The following DLG2 variants were observed in gnomAD, a reference collection of about 807,000 sequenced individuals.
DLG2 encodes disks large homolog 2.
In DLG2, 45 loss-of-function variants were observed where a neutral mutation model predicts 132.5. The observed-to-expected ratio is 0.34, with a 90% CI of 0.27 to 0.44. DLG2 has a LOEUF of 0.44. Among genes scored for constraint, DLG2 ranks in the 20% least tolerant of loss-of-function variants. The pLI is 1.00. For synonymous variants in DLG2, 424 were observed against 419.6 expected (o/e 1.01, Z -0.13); for missense variants, 1,045 against 1,196.9 (o/e 0.87, Z 1.87).
intron 7 of DLG2, among the ~76,000 whole-genome samples, chr11:84,483,217 G>A (rs2154493888): frequency 6.6e-6 from 1 of 152,198 alleles, no homozygotes; most frequent in African/African-American, 2.4e-5. Flanking sequence ...CTCATCACCT[G>A]AGGTCAGGAG....
chr11:83,633,807 G>A (rs1034278227), intron 18 of DLG2, among the ~76,000 whole-genome samples: 4 of 149,146 alleles, frequency 2.7e-5, no homozygotes, highest in African/African-American at 4.9e-5. Context: ...GAATAATATC[G>A]ATGAATTGTG....
chr11:84,306,906 G>A (rs988812192), intron 7 of DLG2, among the ~76,000 whole-genome samples: 1 of 152,136 alleles, frequency 6.6e-6, no homozygotes, highest in Non-Finnish European at 1.5e-5. Flanking sequence ...GTGCAAATTA[G>A]TTCAGCCACT....
intron 18 of DLG2, chr11:83,682,083 T>G: frequency 1.0e-6 from 1 of 960,166 alleles, no homozygotes; most frequent in Non-Finnish European, 1.2e-6. Flanking sequence ...TGACAGCAAG[T>G]GCCTATTCCA....
chr11:85,366,539 G>T (rs1400737260), intron 3 of DLG2, among the ~76,000 whole-genome samples: 1 of 151,978 alleles, frequency 6.6e-6, no homozygotes, highest in Non-Finnish European at 1.5e-5. Context: ...CTATTAAATG[G>T]ACATTGCATA....
intron 6 of DLG2, among the ~76,000 whole-genome samples, chr11:84,794,400 G>C (rs1241513721): frequency 1.3e-5 from 2 of 152,194 alleles, no homozygotes; most frequent in Admixed American, 6.5e-5. Context: ...GTACTCCATG[G>C]AGCCAGTGGG....
intron 19 of DLG2, among the ~76,000 whole-genome samples, chr11:83,554,490 T>C (rs1355685254): frequency 1.3e-5 from 2 of 152,196 alleles, no homozygotes; most frequent in African/African-American, 2.4e-5. Context: ...GGGAGGCTGG[T>C]ATACAGATAC....
intron 21 of DLG2, among the ~76,000 whole-genome samples, chr11:83,491,765 A>G (rs1168960414): frequency 6.6e-6 from 1 of 151,988 alleles, no homozygotes; most frequent in Non-Finnish European, 1.5e-5. Flanking sequence ...TCCCAAGGAA[A>G]TAGAGACCTT....
At chr11:85,591,504 G>C (rs538733419) in intron 3 of DLG2, among the ~76,000 whole-genome samples, 4 of 152,292 alleles carry the variant, frequency 2.6e-5, no homozygotes, top group African/African-American at 9.6e-5. Flanking sequence ...GCTTTGGGAG[G>C]CCAAGGCAGG....
intron 8 of DLG2, among the ~76,000 whole-genome samples, chr11:84,236,060 A>C (rs1247501654): frequency 6.6e-6 from 1 of 151,750 alleles, no homozygotes; most frequent in African/African-American, 2.4e-5. Flanking sequence ...AAAAAAAAAA[A>C]AAAACAACTA....
chr11:84,154,430 C>A (rs6592167), intron 9 of DLG2, among the ~76,000 whole-genome samples: 28,895 of 152,214 alleles, frequency 0.19, 4,085 homozygotes, highest in African/African-American at 0.4. Flanking sequence ...TGCCAATACT[C>A]ACACCTGCTG....
intron 12 of DLG2, among the ~76,000 whole-genome samples, chr11:83,969,607 C>G (rs1333159427): frequency 1.3e-5 from 2 of 152,028 alleles, no homozygotes; most frequent in African/African-American, 2.4e-5. Context: ...GAGTTTTGCT[C>G]TTGTTGCCCA....
chr11:84,476,344 A>G (rs913489637), intron 7 of DLG2, among the ~76,000 whole-genome samples: 1 of 152,132 alleles, frequency 6.6e-6, no homozygotes, highest in Non-Finnish European at 1.5e-5. Flanking sequence ...AATACTTACA[A>G]AATAGACTGC....
chr11:83,565,267 T>G (rs1367873940), intron 19 of DLG2, among the ~76,000 whole-genome samples: 2 of 152,158 alleles, frequency 1.3e-5, no homozygotes, highest in African/African-American at 4.8e-5. Context: ...TCTGCATCCT[T>G]AACTCACATC....
chr11:85,472,070 A>G (rs2093001988), intron 3 of DLG2, among the ~76,000 whole-genome samples: 1 of 152,156 alleles, frequency 6.6e-6, no homozygotes, highest in South Asian at 2.1e-4. Context: ...AAGACAAATT[A>G]AAGCCTGAAA....
chr11:83,949,219 G>A (rs2084807558), intron 14 of DLG2, among the ~76,000 whole-genome samples: 1 of 152,078 alleles, frequency 6.6e-6, no homozygotes, highest in South Asian at 2.1e-4. Flanking sequence ...TAGACTAAAT[G>A]TGATAATATT....
chr11:84,275,255 T>C (rs1325018807), intron 7 of DLG2, among the ~76,000 whole-genome samples: 1 of 152,240 alleles, frequency 6.6e-6, no homozygotes, highest in African/African-American at 2.4e-5. Flanking sequence ...ATTCATAGTC[T>C]TTGTGTGTGG....
intron 6 of DLG2, among the ~76,000 whole-genome samples, chr11:84,706,191 G>C (rs1280455175): frequency 6.6e-6 from 1 of 151,750 alleles, no homozygotes; most frequent in Non-Finnish European, 1.5e-5. Flanking sequence ...TTTAGAAAAA[G>C]ATCAATACTG....
At chr11:84,822,710 G>T (rs778244390) in intron 6 of DLG2, among the ~76,000 whole-genome samples, 1 of 151,950 alleles carries the variant, frequency 6.6e-6, no homozygotes, top group Middle Eastern at 3.4e-3. Flanking sequence ...GAGAAGGACT[G>T]GTCTTTGGAA....
chr11:85,200,105 T>C (rs2081352528), intron 4 of DLG2, among the ~76,000 whole-genome samples: 1 of 152,122 alleles, frequency 6.6e-6, no homozygotes, highest in Non-Finnish European at 1.5e-5. Flanking sequence ...TAGGAGGTTG[T>C]AAACCCCCCC....
Sources: gnomAD v4.1 joint callset for allele counts (sites outside exome capture counted in the v4.1 genomes callset) on GRCh38, gnomAD v4.1.1 for gene constraint, MANE v1.5 for transcripts, NCBI Gene and HGNC (gene_info 2026-07-23, HGNC 2026-07-21) for gene names.